The following FBXL17 variants were observed in gnomAD, a reference collection of about 807,000 sequenced individuals.
FBXL17 encodes F-box/LRR-repeat protein 17.
FBXL17 carries 22 observed loss-of-function variants against 66.2 expected under a neutral mutation model. The ratio of observed to expected loss-of-function variants is 0.33; its 90% confidence interval spans 0.24 to 0.47. The LOEUF is 0.47. Among genes scored for constraint, FBXL17 ranks in the 20% least tolerant of loss-of-function variants. The probability of loss-of-function intolerance (pLI) is 1.00; values close to 1 mark genes in which losing one functional copy is unlikely to be tolerated. For synonymous variants in FBXL17, 474 were observed against 400.5 expected (o/e 1.18, Z -2.19); for missense variants, 878 against 948.2 (o/e 0.93, Z 0.97).
In FBXL17 at chr5:107,910,567, T is replaced by G. The variant is rs1371366171; in HGVS notation, c.1823-29388A>C. Among the ~76,000 whole-genome samples, 8 of 151,518 alleles carry G rather than the reference T, an allele frequency of 5.3e-5. 1 individual carries two copies. The highest frequency in any genetic ancestry group is 1.3e-4 in the Admixed American group (2 of 15,194). ...TATTCATGGTCCTAGATAATCACAA[T>G]AAAAAAGAAGAAATATGAGGCATAA... On this transcript the variant is annotated intron_variant, in intron 7 of 8. Transcript: ENST00000542267.
chr5:108,010,902 C>A (rs988920986), intron 7 of FBXL17, among the ~76,000 whole-genome samples: 1 of 152,158 alleles, frequency 6.6e-6, no homozygotes, highest in Non-Finnish European at 1.5e-5. Context: ...CAATTACATA[C>A]CATTCCTGCC....
At chr5:108,218,076 G>T (rs1181652665) in intron 5 of FBXL17, among the ~76,000 whole-genome samples, 31 of 143,244 alleles carry the variant, frequency 2.2e-4, no homozygotes, top group African/African-American at 7.8e-4. Flanking sequence ...GGAGTGCAGT[G>T]GCCACTGCAA....
At chr5:108,295,725 A>G (rs570729056) in intron 4 of FBXL17, among the ~76,000 whole-genome samples, 1 of 152,146 alleles carries the variant, frequency 6.6e-6, no homozygotes, top group East Asian at 1.9e-4. Flanking sequence ...TCAAACCAGC[A>G]TGATTAATTC....
At chr5:107,998,572 T>C (rs915357845) in intron 7 of FBXL17, among the ~76,000 whole-genome samples, 5 of 151,858 alleles carry the variant, frequency 3.3e-5, no homozygotes, top group South Asian at 4.1e-4. Context: ...ATTTCTAATA[T>C]ATAAGTATAA....
chr5:108,250,615 C>T (rs972460971), intron 4 of FBXL17, among the ~76,000 whole-genome samples: 1 of 151,956 alleles, frequency 6.6e-6, no homozygotes, highest in Admixed American at 6.6e-5. Flanking sequence ...CTGACAAACT[C>T]TAGTGGCATT....
chr5:108,110,022 T>G (rs1749969275), intron 6 of FBXL17, among the ~76,000 whole-genome samples: 1 of 152,118 alleles, frequency 6.6e-6, no homozygotes, highest in Non-Finnish European at 1.5e-5. Context: ...ACCTTCATTC[T>G]CTTCTAGGTT....
At chr5:108,299,700 G>A in intron 4 of FBXL17, 3 of 984,288 alleles carry the variant, frequency 3.0e-6, no homozygotes, top group Non-Finnish European at 2.4e-6. Flanking sequence ...TTGGCTGCTT[G>A]TCCAGTAATG....
chr5:108,005,852 T>C (rs1436067541), intron 7 of FBXL17, among the ~76,000 whole-genome samples: 1 of 152,232 alleles, frequency 6.6e-6, no homozygotes, highest in African/African-American at 2.4e-5. Flanking sequence ...TTGAAGCTTC[T>C]AAGCCAGGGT....
intron 5 of FBXL17, among the ~76,000 whole-genome samples, chr5:108,197,239 C>T (rs1753715991): frequency 6.6e-6 from 1 of 152,062 alleles, no homozygotes; most frequent in African/African-American, 2.4e-5. Context: ...ATGAAAATTT[C>T]CCTTCAATTA....
At chr5:108,015,859 A>T (rs1358475200) in intron 7 of FBXL17, among the ~76,000 whole-genome samples, 1 of 152,150 alleles carries the variant, frequency 6.6e-6, no homozygotes, top group Non-Finnish European at 1.5e-5. Context: ...TGTGGGTTAC[A>T]CCAAAACGAT....
intron 7 of FBXL17, among the ~76,000 whole-genome samples, chr5:108,010,388 G>C (rs963212416): frequency 6.6e-6 from 1 of 152,128 alleles, no homozygotes. Flanking sequence ...ATGTGTCTGG[G>C]GATTAAGTGA....
At chr5:108,106,025 T>G (rs994034625) in intron 6 of FBXL17, among the ~76,000 whole-genome samples, 5 of 152,086 alleles carry the variant, frequency 3.3e-5, no homozygotes, top group African/African-American at 1.2e-4. Flanking sequence ...AGGGGGAAAC[T>G]GAAGCTCACA....
chr5:107,922,204 T>C (rs897570421), intron 7 of FBXL17, among the ~76,000 whole-genome samples: 7 of 152,232 alleles, frequency 4.6e-5, no homozygotes, highest in Admixed American at 3.3e-4. Flanking sequence ...GAGTCACTAA[T>C]ATGTATGAAA....
At chr5:108,282,492 AACAG>A (rs1433151553) in intron 4 of FBXL17, among the ~76,000 whole-genome samples, 5 of 151,882 alleles carry the variant, frequency 3.3e-5, no homozygotes, top group East Asian at 1.9e-4. Flanking sequence ...ACCCTAACAA[AACAG>A]ACAGAGAAGA....
chr5:108,241,977 G>A (rs1362618584), intron 4 of FBXL17, among the ~76,000 whole-genome samples: 1 of 152,070 alleles, frequency 6.6e-6, no homozygotes, highest in Non-Finnish European at 1.5e-5. Flanking sequence ...CAAAAGCTGA[G>A]GGATTTCATC....
rs13173916 is a variant in FBXL17 at position 108,271,550 on chromosome 5, T to C, written c.1507-47322A>G. 5.3e-3 allele frequency among the ~76,000 whole-genome samples: 808 copies of C among 152,192 alleles called. 10 individuals carry two copies. The highest frequency in any genetic ancestry group is 0.018 in the African/African-American group (766 of 41,530). On this transcript the variant is annotated intron_variant, in intron 4 of 8. Coordinates refer to ENST00000542267, the MANE Select transcript of FBXL17 (RefSeq NM_001163315.3). ...CATTATCAAGGATGGGCAGCTACCATGAAGAAAACTACCAATACAGTCAAC... is the reference window on the plus strand; with the variant it reads ...CATTATCAAGGATGGGCAGCTACCACGAAGAAAACTACCAATACAGTCAAC...
At chr5:108,108,665 A>T (rs1749905145) in intron 6 of FBXL17, among the ~76,000 whole-genome samples, 1 of 152,130 alleles carries the variant, frequency 6.6e-6, no homozygotes, top group Non-Finnish European at 1.5e-5. Context: ...TTTTTTCAGC[A>T]CTAAGTAGAA....
At chr5:108,070,994 C>T (rs900993210) in intron 6 of FBXL17, among the ~76,000 whole-genome samples, 8 of 152,186 alleles carry the variant, frequency 5.3e-5, no homozygotes, top group African/African-American at 1.7e-4. Flanking sequence ...ATAACACTTT[C>T]ATTTTTAAAA....
intron 7 of FBXL17, among the ~76,000 whole-genome samples, chr5:107,982,076 T>C (rs1266400558): frequency 3.3e-5 from 5 of 152,192 alleles, no homozygotes; most frequent in Non-Finnish European, 7.3e-5. Context: ...GATAGCTTAA[T>C]GAGGGCAATT....
Sources: allele counts gnomAD v4.1 joint callset (sites outside exome capture counted in the v4.1 genomes callset), GRCh38; gene constraint gnomAD v4.1.1; transcripts MANE v1.5; gene names NCBI Gene and HGNC (gene_info 2026-07-23, HGNC 2026-07-21).